GJC1: variants seen among roughly 807,000 people sequenced by gnomAD.
GJC1 encodes the protein gap junction protein gamma 1.
In GJC1, 5 loss-of-function variants were observed where a neutral mutation model predicts 29.3. The observed-to-expected ratio is 0.17, with a 90% CI of 0.09 to 0.36. The LOEUF (loss-of-function observed/expected upper bound fraction) is 0.36, where lower values mean the gene tolerates loss of function less well. GJC1 is among the 10% of genes least tolerant of loss of function. The pLI is 1.00. For synonymous variants in GJC1, 177 were observed against 183.3 expected (o/e 0.97, Z 0.28); for missense variants, 310 against 496.2 (o/e 0.62, Z 3.56).
intron 1 of GJC1, among the ~76,000 whole-genome samples, chr17:44,818,513 A>C (rs1479214287): frequency 1.3e-5 from 2 of 151,754 alleles, no homozygotes; most frequent in Non-Finnish European, 2.9e-5. Flanking sequence ...CATGTTAAAA[A>C]AAAAAAAAAA....
intron 1 of GJC1, among the ~76,000 whole-genome samples, 179 bp downstream of exon 1, chr17:44,829,883 A>G (rs1429337251): frequency 1.3e-5 from 2 of 151,530 alleles, no homozygotes; most frequent in African/African-American, 4.9e-5. Context: ...GCCCCTCCGG[A>G]CTCGGCGGGA....
At chr17:44,814,362 G>C (rs2050018092) in intron 1 of GJC1, among the ~76,000 whole-genome samples, 1 of 151,122 alleles carries the variant, frequency 6.6e-6, no homozygotes, top group Non-Finnish European at 1.5e-5. Flanking sequence ...GGATGGTCTT[G>C]ATCTCCTGAC....
downstream of GJC1, among the ~76,000 whole-genome samples, chr17:44,795,709 A>G (rs1299935609): frequency 6.6e-6 from 1 of 152,166 alleles, no homozygotes; most frequent in African/African-American, 2.4e-5. Context: ...CCAGGGGTGA[A>G]TGTTTACAGC....
chr17:44,819,966 T>TC, intron 1 of GJC1, among the ~76,000 whole-genome samples: 1 of 152,216 alleles, frequency 6.6e-6, no homozygotes, highest in East Asian at 1.9e-4. Context: ...CAAGTGATTC[T>TC]CCTGCCTCAG....
At chr17:44,808,337 A>G (rs1298067433) in intron 1 of GJC1, among the ~76,000 whole-genome samples, 3 of 151,838 alleles carry the variant, frequency 2.0e-5, no homozygotes, top group African/African-American at 7.3e-5. Context: ...GTGAGACCCT[A>G]TCTTTCCAAA....
downstream of GJC1, among the ~76,000 whole-genome samples, chr17:44,797,290 T>G (rs908224886): frequency 2.6e-5 from 4 of 152,070 alleles, no homozygotes; most frequent in African/African-American, 7.2e-5. Flanking sequence ...GTATTTTTAG[T>G]AGAGATGGGG....
At chr17:44,822,567 C>T (rs1012358599) in intron 1 of GJC1, among the ~76,000 whole-genome samples, 1 of 138,904 alleles carries the variant, frequency 7.2e-6, no homozygotes, top group African/African-American at 2.7e-5. Flanking sequence ...CGCCTGAAAC[C>T]GGGAGGCAGA....
At chr17:44,807,828 C>A (rs2049928703) in intron 1 of GJC1, 1 of 152,162 alleles carries the variant, frequency 6.6e-6, no homozygotes. Context: ...CTTGCAAAAA[C>A]CTTCACCCCA....
Position 44,826,915 on chromosome 17 carries a change from T to C in GJC1, c.-97+3147A>G, listed in dbSNP as rs2050182473. On this transcript the variant is annotated intron_variant, in intron 1 of 2. Transcript: ENST00000592524. ...AAAACAACTGTTGCCATTCAGCTGA[T>C]ATTAACAGCTCAGAACTGTTTTCTA... Among the ~76,000 whole-genome samples, 3 of 152,352 alleles carry C rather than the reference T, an allele frequency of 2.0e-5. No homozygotes were observed. In the South Asian group the frequency reaches 6.2e-4, roughly 32 times the overall value.
intron 1 of GJC1, among the ~76,000 whole-genome samples, chr17:44,822,134 T>G (rs1456344533): frequency 2.2e-5 from 3 of 139,468 alleles, no homozygotes; most frequent in Non-Finnish European, 4.5e-5. Flanking sequence ...GAGGCGGAGC[T>G]TGCAGTGAGC....
intron 1 of GJC1, among the ~76,000 whole-genome samples, chr17:44,809,734 G>T (rs150078321): frequency 6.7e-6 from 1 of 148,858 alleles, no homozygotes; most frequent in African/African-American, 2.5e-5. Context: ...CCACGCCTGG[G>T]TAATTTTGTA....
In GJC1 at chr17:44,799,906, A is replaced by C. The variant is rs181957874; in HGVS notation, c.*4721T>G. 1 of 152,344 alleles carries C rather than the reference A, an allele frequency of 6.6e-6. No homozygotes were observed. Among genetic ancestry groups the C allele is most frequent in the East Asian group, 1.9e-4 (1 of 5,178 alleles). The allele number at this position is 152,344 out of a possible 1,614,324, so 9.4% of individuals were successfully genotyped here. ...TGCACTCTAGCCTGGGCTCAAAACA[A>C]ACCCCAAAAAACAAAACCAAACATC... On this transcript the variant is annotated 3_prime_UTR_variant, in exon 3 of 3. Transcript: ENST00000592524.
In GJC1 at chr17:44,804,775, C is replaced by T. The variant is rs368509499; in HGVS notation, c.1043G>A (p.Arg348His). The T allele has an allele frequency of 8.7e-6, 14 of 1,614,078 alleles. No homozygotes were observed. Among genetic ancestry groups the T allele is most frequent in the African/African-American group, 1.3e-5 (1 of 74,936 alleles). The change falls in exon 3 of 3, where the codon CGC becomes CAC. Residue 348 changes from arginine to histidine, a missense_variant. Physicochemically the swap from Arg to His is conservative, Grantham distance 29. Coordinates refer to ENST00000592524, the MANE Select transcript of GJC1 (RefSeq NM_005497.4). The stretch of plus-strand genomic sequence containing the variant: ...GTAGGCCTGAACTGCCAGATCCAAG[C>T]GTTCCTGAGCCATCCTGATCTCCCG... ...LQREIRMAQE[R>H]LDLAVQAYSH...
intron 1 of GJC1, among the ~76,000 whole-genome samples, chr17:44,823,852 C>T (rs2050140178): frequency 6.6e-6 from 1 of 151,720 alleles, no homozygotes; most frequent in Non-Finnish European, 1.5e-5. Flanking sequence ...GCTGGGACTA[C>T]TGGCGTGTGC....
In GJC1 at chr17:44,816,977, A is replaced by G. The variant is rs965274850; in HGVS notation, c.-96-9508T>C. 6.7e-5 allele frequency among the ~76,000 whole-genome samples: 10 copies of G among 150,212 alleles called. No homozygotes were observed. The East Asian group carries it at 1.0e-3, about 15-fold the overall frequency. On this transcript the variant is annotated intron_variant, in intron 1 of 2. Transcript: ENST00000592524. ...TGTAATCCCAGCACTTTGGGAGGCCAAGGCGGGCGGATCACCTGAAGTCAG... is the reference window on the plus strand; with the variant it reads ...TGTAATCCCAGCACTTTGGGAGGCCGAGGCGGGCGGATCACCTGAAGTCAG...
Position 44,802,111 on chromosome 17 carries a change from T to C in GJC1, c.*2516A>G, listed in dbSNP as rs1356555551. ...TGACAGAATATCTTTATATGTACTT[T>C]AAGAAGCTGACGCGTTATCCAGACA... is the stretch of plus-strand genomic sequence containing the variant. On this transcript the variant is annotated 3_prime_UTR_variant, in exon 3 of 3. Transcript: ENST00000592524. The C allele has an allele frequency of 3.9e-5, 6 of 152,172 alleles. No individual in the cohort carries two copies. 9.4% of individuals were successfully genotyped at this position (152,172 alleles called of 1,614,324 possible).
At position 44,827,348 on chromosome 17, in the gene GJC1, CAAAA is replaced by C. The variant is rs778713420; in HGVS notation, c.-97+2710_-97+2713del. Among the ~76,000 whole-genome samples the C allele has an allele frequency of 5.9e-4, 86 of 146,428 alleles. 1 individual carries two copies. The highest frequency in any genetic ancestry group is 2.0e-3 in the African/African-American group (79 of 39,986). On this transcript the variant is annotated intron_variant, in intron 1 of 2. Coordinates refer to ENST00000592524, the MANE Select transcript of GJC1 (RefSeq NM_005497.4). ...AAACTCCGTCTCAAAAACAAACAAA[CAAAA>C]AAAAAAAATTCCTGCTTTTTCTTTG...
intron 1 of GJC1, among the ~76,000 whole-genome samples, chr17:44,823,539 C>T (rs1052493550): frequency 2.6e-5 from 4 of 151,358 alleles, no homozygotes; most frequent in South Asian, 2.1e-4. Context: ...CGTGAGCCAC[C>T]GTACCTAGCC....
At position 44,822,887 on chromosome 17, in the gene GJC1, C is replaced by T. The variant is rs184668824; in HGVS notation, c.-97+7175G>A. On this transcript the variant is annotated intron_variant, in intron 1 of 2. Transcript: ENST00000592524. The stretch of plus-strand genomic sequence containing the variant: ...CAGTATTCAAAATATATATGGTAAC[C>T]GAAGCCACAGAATGGATAATTTCAG... Among the ~76,000 whole-genome samples, 437 of 151,974 alleles carry T rather than the reference C, an allele frequency of 2.9e-3. 2 individuals carry two copies. The highest frequency in any genetic ancestry group is 0.01 in the Middle Eastern group (3 of 294).
Sources: allele counts gnomAD v4.1 joint callset (sites outside exome capture counted in the v4.1 genomes callset), GRCh38; gene constraint gnomAD v4.1.1; transcripts MANE v1.5; gene names NCBI Gene and HGNC (gene_info 2026-07-23, HGNC 2026-07-21).